CYLD: variants seen among roughly 807,000 people sequenced by gnomAD.
CYLD encodes CYLD lysine 63 deubiquitinase.
CYLD carries 26 observed loss-of-function variants against 104.5 expected under a neutral mutation model. The ratio of observed to expected loss-of-function variants is 0.25; its 90% CI spans 0.18 to 0.35. The LOEUF (loss-of-function observed/expected upper bound fraction) is 0.35, where lower values mean the gene tolerates loss of function less well. Ranked by LOEUF, CYLD falls within the 10% of genes least tolerant of loss-of-function variation. The pLI is 1.00. For missense variants in CYLD, 703 were observed against 1,136.1 expected (o/e 0.62, Z 5.48); for synonymous variants, 385 against 399.9 (o/e 0.96, Z 0.45).
chr16:50,783,910 T>C (rs944802430), intron 11 of CYLD: 2 of 221,418 alleles, frequency 9.0e-6, no homozygotes, highest in East Asian at 1.1e-4. Flanking sequence ...CAAAGGGGCA[T>C]GGGGAGAGGG....
chr16:50,793,398 G>T, intron 16 of CYLD, 148 bp from the exon 17 acceptor site: 1 of 740,342 alleles, frequency 1.4e-6, no homozygotes. Flanking sequence ...TACTAACTGA[G>T]AGCTTAAGCA....
At chr16:50,773,774 A>G (rs1391388369) in intron 5 of CYLD, among the ~76,000 whole-genome samples, 1 of 152,198 alleles carries the variant, frequency 6.6e-6, no homozygotes, top group East Asian at 1.9e-4. Flanking sequence ...CAGTTGTGAC[A>G]AAGTAATAAG....
intron 5 of CYLD, among the ~76,000 whole-genome samples, chr16:50,754,988 CATATATATGT>C (rs772741619): frequency 5.4e-4 from 15 of 27,564 alleles, no homozygotes; most frequent in South Asian, 4.8e-4. Flanking sequence ...TACATATATA[CATATATATGT>C]ATATATACAT....
At chr16:50,791,711 G>T (rs747169972) in intron 15 of CYLD, 21 bp downstream of exon 15, 1 of 1,612,842 alleles carries the variant, frequency 6.2e-7, no homozygotes, top group South Asian at 1.1e-5. Context: ...CTCACCTGTG[G>T]TATTTTATGT....
At chr16:50,781,717 CCTT>C (rs938862105) in intron 10 of CYLD, among the ~76,000 whole-genome samples, 1 of 151,874 alleles carries the variant, frequency 6.6e-6, no homozygotes, top group African/African-American at 2.4e-5. Flanking sequence ...TGAAATGTAA[CCTT>C]CTTTTTTTTT....
Position 50,801,007 on chromosome 16 carries a change from CAG to C in CYLD, c.*4500_*4501del, listed in dbSNP as rs1972417357. On this transcript the variant is annotated 3_prime_UTR_variant, in exon 19 of 19. Transcript: ENST00000427738. ...ATGAAGACCAGGATTCTGCGGGTGTCAGGGGATTGCCCCTCTTGACAGAGACT... is the reference window on the plus strand; with the variant it reads ...ATGAAGACCAGGATTCTGCGGGTGTCGGGATTGCCCCTCTTGACAGAGACT... 8.6e-6 allele frequency: 2 copies of C among 233,428 alleles called. No individual in the cohort carries two copies. The highest frequency in any genetic ancestry group is 1.8e-4 in the South Asian group (1 of 5,528). The allele number at this position is 233,428 out of a possible 1,614,324, so 14.5% of individuals were successfully genotyped here.
intron 4 of CYLD, among the ~76,000 whole-genome samples, chr16:50,752,890 A>G (rs1673504481): frequency 6.6e-6 from 1 of 152,236 alleles, no homozygotes; most frequent in Admixed American, 6.5e-5. Flanking sequence ...TAAGAAGAGA[A>G]AGGCTGAGAC....
chr16:50,795,783 A>G (rs1335803307), intron 18 of CYLD: 2 of 572,060 alleles, frequency 3.5e-6, no homozygotes, highest in Non-Finnish European at 6.2e-6. Context: ...TGGAAAAGCC[A>G]CTGAGGTAAC....
intron 5 of CYLD, among the ~76,000 whole-genome samples, chr16:50,769,691 G>A (rs974366589): frequency 5.9e-5 from 9 of 151,562 alleles, no homozygotes; most frequent in Non-Finnish European, 1.3e-4. Flanking sequence ...AAAACAAGAC[G>A]TGTGCAACAT....
At chr16:50,769,005 C>T (rs1050611748) in intron 5 of CYLD, among the ~76,000 whole-genome samples, 6 of 152,060 alleles carry the variant, frequency 3.9e-5, no homozygotes, top group African/African-American at 7.3e-5. Context: ...TTATTTCACT[C>T]GACATAATTA....
At chr16:50,750,560 C>T (rs1966535491) in intron 3 of CYLD, among the ~76,000 whole-genome samples, 1 of 152,076 alleles carries the variant, frequency 6.6e-6, no homozygotes, top group South Asian at 2.1e-4. Context: ...GCCTTCTTTG[C>T]TTCTTGATTT....
chr16:50,771,946 C>T (rs556296714), intron 5 of CYLD, among the ~76,000 whole-genome samples: 16 of 152,286 alleles, frequency 1.1e-4, no homozygotes, highest in East Asian at 5.8e-4. Flanking sequence ...ACCACAGTCT[C>T]GATCACTGCG....
intron 2 of CYLD, among the ~76,000 whole-genome samples, chr16:50,748,669 A>G (rs1291104973): frequency 6.6e-6 from 1 of 152,212 alleles, no homozygotes; most frequent in African/African-American, 2.4e-5. Context: ...ATGCTACAAA[A>G]TTGATTTTTA....
chr16:50,794,471 G>T lies in CYLD; in HGVS notation c.2686+43G>T. ...CTTCTGCATGTGGCACAGGGTTCTG[G>T]TTTGTAGTGGGACAGTTTGTAGTGG... On this transcript the variant is annotated intron_variant, in intron 18 of 18. Coordinates refer to ENST00000427738, the MANE Select transcript of CYLD (RefSeq NM_001378743.1). This position sits in a 1 kb window ranked among gnomAD's most constrained non-coding sequence, Gnocchi z 4.1. The T allele has an allele frequency of 6.4e-7, 1 of 1,569,254 alleles. No homozygotes were observed. Among genetic ancestry groups the T allele is most frequent in the Non-Finnish European group, 8.8e-7 (1 of 1,139,792 alleles).
At position 50,751,363 on chromosome 16, in the gene CYLD, G is replaced by C. The variant is rs114359689; in HGVS notation, c.505-241G>C. The stretch of plus-strand genomic sequence containing the variant: ...GAATCACAACGTGGAATTCAGCCTA[G>C]CTTTCTCATGATAGAGTTATGAATT... On this transcript the variant is annotated intron_variant, in intron 3 of 18. Coordinates refer to ENST00000427738, the MANE Select transcript of CYLD (RefSeq NM_001378743.1). Among the ~76,000 whole-genome samples, 134 of 152,224 alleles carry C rather than the reference G, an allele frequency of 8.8e-4. 1 individual carries two copies. Among genetic ancestry groups the C allele is most frequent in the African/African-American group, 3.1e-3 (129 of 41,532 alleles).
In CYLD at chr16:50,799,973, T is replaced by C. The variant is rs2151055373; in HGVS notation, c.*3465T>C. On this transcript the variant is annotated 3_prime_UTR_variant, in exon 19 of 19. Coordinates refer to ENST00000427738, the MANE Select transcript of CYLD (RefSeq NM_001378743.1). ...CCTACCTAGTTTTAACGACAGAATA[T>C]CTATTAAAGGCTACTTAGCTGAAGG... 8.6e-6 allele frequency: 2 copies of C among 233,062 alleles called. No homozygotes were observed. Among genetic ancestry groups the C allele is most frequent in the East Asian group, 1.2e-4 (2 of 16,572 alleles). The allele number at this position is 233,062 out of a possible 1,614,324, so 14.4% of individuals were successfully genotyped here.
At chr16:50,795,795 C>T in intron 18 of CYLD, 1 of 563,716 alleles carries the variant, frequency 1.8e-6, no homozygotes, top group Non-Finnish European at 3.2e-6. Context: ...TGAGGTAACC[C>T]AGAGGAGCCT....
At chr16:50,782,569 C>G (rs1056563545) in intron 11 of CYLD, 103 bp downstream of exon 11, 1 of 1,231,660 alleles carries the variant, frequency 8.1e-7, no homozygotes, top group African/African-American at 1.5e-5. Flanking sequence ...AAAGAAACTG[C>G]CATCTGCCTC....
chr16:50,773,747 G>C (rs1241821506), intron 5 of CYLD, among the ~76,000 whole-genome samples: 1 of 152,098 alleles, frequency 6.6e-6, no homozygotes, highest in African/African-American at 2.4e-5. Flanking sequence ...GACCCAAGTA[G>C]TTTTGGGCCA....
Sources: allele counts gnomAD v4.1 joint callset (sites outside exome capture counted in the v4.1 genomes callset), GRCh38; gene constraint gnomAD v4.1.1; non-coding constraint Gnocchi (gnomAD v3.1); transcripts MANE v1.5; gene names NCBI Gene and HGNC (gene_info 2026-07-23, HGNC 2026-07-21).